Variants in TMEM163 observed in about 807,000 individuals in gnomAD.
TMEM163 encodes the protein transmembrane protein 163.
Under a neutral mutation model 29.3 loss-of-function variants are expected in TMEM163, and 17 were observed. The observed-to-expected ratio is 0.58, with a 90% CI of 0.40 to 0.87. TMEM163 has a LOEUF of 0.87. Among genes scored for constraint, TMEM163 ranks in the 40% least tolerant of loss-of-function variants. The pLI is 0.00. For missense variants in TMEM163, 303 were observed against 381.5 expected (o/e 0.79, Z 1.71); for synonymous variants, 157 against 160.6 (o/e 0.98, Z 0.17).
chr2:134,560,656 G>A (rs941440465), intron 2 of TMEM163, among the ~76,000 whole-genome samples: 2 of 152,076 alleles, frequency 1.3e-5, no homozygotes, highest in Non-Finnish European at 2.9e-5. Flanking sequence ...GGATAGCCCC[G>A]GACCCAGAAA....
In TMEM163 at chr2:134,597,463, C is replaced by T. The variant is rs545330212; in HGVS notation, c.323-45372G>A. Among the ~76,000 whole-genome samples the T allele has an allele frequency of 3.9e-5, 6 of 152,306 alleles. No individual in the cohort carries two copies. In the South Asian group the frequency reaches 1.0e-3, roughly 26 times the overall value. Reference sequence around the variant, plus strand: ...CCTGCCTTGCATCCCAGGGATGAAGCCCACTTGATCATGGTGGATGAGCTT... The same window carrying T: ...CCTGCCTTGCATCCCAGGGATGAAGTCCACTTGATCATGGTGGATGAGCTT... On this transcript the variant is annotated intron_variant, in intron 2 of 7. Transcript: ENST00000281924.
At chr2:134,710,075 C>A (rs1485883328) in intron 2 of TMEM163, among the ~76,000 whole-genome samples, 1 of 152,186 alleles carries the variant, frequency 6.6e-6, no homozygotes, top group Non-Finnish European at 1.5e-5. Context: ...CAATATACAT[C>A]TTACAAATAT....
chr2:134,712,454 C>T (rs62171392), intron 2 of TMEM163, among the ~76,000 whole-genome samples: 1 of 138,742 alleles, frequency 7.2e-6, no homozygotes, highest in Non-Finnish European at 1.5e-5. Flanking sequence ...TGCAGTCTTT[C>T]CCCCGCATCA....
intron 5 of TMEM163, among the ~76,000 whole-genome samples, chr2:134,476,428 G>A (rs951337222): frequency 1.3e-5 from 2 of 152,174 alleles, no homozygotes; most frequent in African/African-American, 4.8e-5. Context: ...AACTCATCAA[G>A]TTGCGTACTT....
chr2:134,635,906 G>A (rs72970159), intron 2 of TMEM163, among the ~76,000 whole-genome samples: 6,556 of 152,152 alleles, frequency 0.043, 474 homozygotes, highest in African/African-American at 0.14. Context: ...AACAACATTC[G>A]GGGTTGACAC....
chr2:134,501,794 G>A (rs1270585322), intron 5 of TMEM163, among the ~76,000 whole-genome samples: 1 of 152,120 alleles, frequency 6.6e-6, no homozygotes, highest in Non-Finnish European at 1.5e-5. Flanking sequence ...TTCTGAAAAA[G>A]ACTAAATACC....
At chr2:134,533,016 A>C (rs1680448211) in intron 4 of TMEM163, among the ~76,000 whole-genome samples, 1 of 152,194 alleles carries the variant, frequency 6.6e-6, no homozygotes, top group Non-Finnish European at 1.5e-5. Context: ...TGGACGTTTA[A>C]ACTCAGTTTA....
intron 5 of TMEM163, among the ~76,000 whole-genome samples, chr2:134,483,104 G>A (rs1679233712): frequency 6.6e-6 from 1 of 152,164 alleles, no homozygotes; most frequent in South Asian, 2.1e-4. Context: ...GACAATGAGG[G>A]CACTCTGAGG....
At chr2:134,594,868 TC>T (rs1682029981) in intron 2 of TMEM163, among the ~76,000 whole-genome samples, 1 of 151,734 alleles carries the variant, frequency 6.6e-6, no homozygotes, top group Non-Finnish European at 1.5e-5. Flanking sequence ...TCTCTCTCTC[TC>T]TCTCTCTCTC....
chr2:134,516,019 A>G (rs1452225229), intron 4 of TMEM163, among the ~76,000 whole-genome samples: 1 of 152,278 alleles, frequency 6.6e-6, no homozygotes, highest in Middle Eastern at 3.4e-3. Flanking sequence ...CGTGTCCTGC[A>G]GGGTGCTGGG....
At chr2:134,592,695 T>A (rs1166637972) in intron 2 of TMEM163, among the ~76,000 whole-genome samples, 1 of 152,138 alleles carries the variant, frequency 6.6e-6, no homozygotes, top group African/African-American at 2.4e-5. Context: ...CAGTTGGTTG[T>A]GAGGGCTCAG....
chr2:134,456,497 G>T lies in TMEM163; in HGVS notation c.*219C>A. 1.7e-6 allele frequency: 1 copy of T among 577,662 alleles called. No individual in the cohort carries two copies. Among genetic ancestry groups the T allele is most frequent in the Non-Finnish European group, 3.1e-6 (1 of 321,920 alleles). 35.8% of individuals were successfully genotyped at this position (577,662 alleles called of 1,614,324 possible). A position where few individuals can be genotyped will look rare whatever the true frequency, so the allele number is the denominator to read the frequency against. On this transcript the variant is annotated 3_prime_UTR_variant, in exon 8 of 8. Coordinates refer to ENST00000281924, the MANE Select transcript of TMEM163 (RefSeq NM_030923.5). ...CCAGTCCCAGCTGGAGACGGGGAAGGAGGTCCATTCCTATGGGCATTGTCC... is the reference window on the plus strand; with the variant it reads ...CCAGTCCCAGCTGGAGACGGGGAAGTAGGTCCATTCCTATGGGCATTGTCC...
At position 134,456,305 on chromosome 2, in the gene TMEM163, G is replaced by C. The variant is rs1210571394; in HGVS notation, c.*411C>G. ...GGGGTACAATCTTCCCTTAAGACCT[G>C]CCAGGAAAGGAGAGACTTGGAACCA... On this transcript the variant is annotated 3_prime_UTR_variant, in exon 8 of 8. Transcript: ENST00000281924. The C allele has an allele frequency of 1.7e-5, 3 of 174,524 alleles. No individual in the cohort carries two copies. The highest frequency in any genetic ancestry group is 7.1e-5 in the African/African-American group (3 of 42,092). The allele number at this position is 174,524 out of a possible 1,614,324, so 10.8% of individuals were successfully genotyped here.
At chr2:134,554,917 A>C (rs1558943675) in intron 2 of TMEM163, among the ~76,000 whole-genome samples, 1 of 152,172 alleles carries the variant, frequency 6.6e-6, no homozygotes, top group Non-Finnish European at 1.5e-5. Context: ...CTTCACAGAG[A>C]TGTATCATTT....
intron 5 of TMEM163, among the ~76,000 whole-genome samples, chr2:134,482,355 C>T (rs567673255): frequency 2.0e-5 from 3 of 152,314 alleles, no homozygotes; most frequent in African/African-American, 7.2e-5. Flanking sequence ...TGACACTGAG[C>T]AGAGACCATG....
chr2:134,556,907 T>C (rs1001190174), intron 2 of TMEM163, among the ~76,000 whole-genome samples: 1 of 152,072 alleles, frequency 6.6e-6, no homozygotes, highest in African/African-American at 2.4e-5. Flanking sequence ...AACAGATAGG[T>C]TGTATGTTGG....
At chr2:134,531,661 G>T (rs555990) in intron 4 of TMEM163, among the ~76,000 whole-genome samples, 12 of 152,216 alleles carry the variant, frequency 7.9e-5, no homozygotes. Context: ...CAGAAGAAGG[G>T]ATGCATGGAG....
intron 4 of TMEM163, among the ~76,000 whole-genome samples, chr2:134,510,184 A>G (rs1297684870): frequency 6.6e-6 from 1 of 152,062 alleles, no homozygotes; most frequent in Non-Finnish European, 1.5e-5. Flanking sequence ...TGTACCTCAG[A>G]AAAAAAAGAC....
chr2:134,561,310 T>C (rs894264426), intron 2 of TMEM163, among the ~76,000 whole-genome samples: 1 of 152,204 alleles, frequency 6.6e-6, no homozygotes, highest in Non-Finnish European at 1.5e-5. Flanking sequence ...TTCACGCCAT[T>C]CTCCAGCCTC....
Sources: gnomAD v4.1 joint callset for allele counts (sites outside exome capture counted in the v4.1 genomes callset) on GRCh38, gnomAD v4.1.1 for gene constraint, MANE v1.5 for transcripts, NCBI Gene and HGNC (gene_info 2026-07-23, HGNC 2026-07-21) for gene names.